The following PDE10A variants were observed in gnomAD, a reference collection of about 807,000 sequenced individuals.
The protein encoded by PDE10A is cAMP and cAMP-inhibited cGMP 3',5'-cyclic phosphodiesterase 10A.
In PDE10A, 39 loss-of-function variants were observed where a neutral mutation model predicts 97.7. That is an observed-to-expected ratio of 0.40 (90% CI 0.31 to 0.52). The LOEUF is 0.52. PDE10A is among the 20% of genes least tolerant of loss of function. PDE10A has a pLI of 0.56. For missense variants in PDE10A, 731 were observed against 1,047.8 expected (o/e 0.70, Z 4.17); for synonymous variants, 371 against 376.8 (o/e 0.98, Z 0.18).
At chr6:165,508,509 G>C (rs1241082120) in intron 2 of PDE10A, among the ~76,000 whole-genome samples, 1 of 151,818 alleles carries the variant, frequency 6.6e-6, no homozygotes, top group Admixed American at 6.6e-5. Context: ...TGAGTTTTTT[G>C]CAACAACACA....
chr6:165,566,090 G>A (rs566407980), intron 1 of PDE10A, among the ~76,000 whole-genome samples: 1 of 152,112 alleles, frequency 6.6e-6, no homozygotes, highest in Non-Finnish European at 1.5e-5. Context: ...TTGTACTTCA[G>A]TAAAATTAAG....
chr6:165,699,356 A>G (rs1791514526), intron 1 of PDE10A, among the ~76,000 whole-genome samples: 1 of 152,186 alleles, frequency 6.6e-6, no homozygotes, highest in African/African-American at 2.4e-5. Context: ...AAACCTAATG[A>G]ACATAAAAGG....
chr6:165,382,442 C>T (rs1008075993), intron 17 of PDE10A, among the ~76,000 whole-genome samples: 2 of 152,136 alleles, frequency 1.3e-5, no homozygotes, highest in African/African-American at 2.4e-5. Flanking sequence ...TTACCTAGTA[C>T]ATGAAACCAC....
At chr6:165,861,556 T>C (rs1387737961) in intron 1 of PDE10A, among the ~76,000 whole-genome samples, 4 of 151,524 alleles carry the variant, frequency 2.6e-5, no homozygotes, top group African/African-American at 9.7e-5. Context: ...GCTTTTCCTG[T>C]GTGAAGGGGA....
chr6:165,470,559 C>T (rs576374235), intron 3 of PDE10A, among the ~76,000 whole-genome samples: 9 of 152,304 alleles, frequency 5.9e-5, no homozygotes, highest in Non-Finnish European at 7.4e-5. Context: ...GCCAGATTTT[C>T]TACTCATTCA....
At chr6:165,386,731 G>A (rs188920806) in intron 17 of PDE10A, among the ~76,000 whole-genome samples, 5 of 152,066 alleles carry the variant, frequency 3.3e-5, no homozygotes, top group South Asian at 2.1e-4. Flanking sequence ...AGCCAGGCGC[G>A]GTGGCTCACG....
chr6:165,445,496 T>C (rs1790784804), intron 5 of PDE10A, among the ~76,000 whole-genome samples: 1 of 152,266 alleles, frequency 6.6e-6, no homozygotes, highest in South Asian at 2.1e-4. Flanking sequence ...GGCCTTTCTG[T>C]GAGGAAGTCT....
At chr6:165,827,139 TC>T (rs1779782803) in intron 1 of PDE10A, among the ~76,000 whole-genome samples, 1 of 152,146 alleles carries the variant, frequency 6.6e-6, no homozygotes, top group Non-Finnish European at 1.5e-5. Flanking sequence ...TCCGCCGTGG[TC>T]TAGACGCTTC....
intron 2 of PDE10A, among the ~76,000 whole-genome samples, chr6:165,540,052 G>A (rs1783336967): frequency 6.6e-6 from 1 of 152,140 alleles, no homozygotes; most frequent in Non-Finnish European, 1.5e-5. Flanking sequence ...GCGACCCTCA[G>A]GCTATTTCAC....
At chr6:165,423,783 G>A (rs1017592027) in intron 10 of PDE10A, among the ~76,000 whole-genome samples, 2 of 151,306 alleles carry the variant, frequency 1.3e-5, no homozygotes, top group Non-Finnish European at 2.9e-5. Context: ...GAGAATGGCA[G>A]AGGTAGCAGT....
At chr6:165,636,821 T>G (rs938471061) in intron 1 of PDE10A, among the ~76,000 whole-genome samples, 1 of 152,202 alleles carries the variant, frequency 6.6e-6, no homozygotes, top group Admixed American at 6.5e-5. Flanking sequence ...AGAAATGCTC[T>G]GCCTAGGTCC....
intron 1 of PDE10A, among the ~76,000 whole-genome samples, chr6:165,867,741 C>T (rs1781099455): frequency 6.6e-6 from 1 of 152,040 alleles, no homozygotes; most frequent in South Asian, 2.1e-4. Flanking sequence ...CTTATCAGCA[C>T]ATAGAACATT....
At chr6:165,876,663 C>T (rs879841507) in intron 1 of PDE10A, among the ~76,000 whole-genome samples, 2 of 152,132 alleles carry the variant, frequency 1.3e-5, no homozygotes, top group Non-Finnish European at 2.9e-5. Context: ...TATTGGGGAC[C>T]TTCAGTGGTT....
chr6:165,543,310 A>G (rs1204517038), intron 2 of PDE10A, 130 bp downstream of exon 2: 3 of 584,012 alleles, frequency 5.1e-6, no homozygotes, highest in East Asian at 6.7e-5. Context: ...TAAATGGAAT[A>G]ACTCTGATAG....
At chr6:165,811,447 T>G (rs1168698074) in intron 1 of PDE10A, among the ~76,000 whole-genome samples, 2 of 152,176 alleles carry the variant, frequency 1.3e-5, no homozygotes, top group Non-Finnish European at 2.9e-5. Flanking sequence ...CTCCCCACCC[T>G]TCTCCCTTTC....
chr6:165,681,164 G>A (rs958004209), intron 1 of PDE10A, among the ~76,000 whole-genome samples: 2 of 152,110 alleles, frequency 1.3e-5, no homozygotes, highest in Admixed American at 1.3e-4. Flanking sequence ...CGCTGCAAGG[G>A]GTAGTTCACC....
intron 1 of PDE10A, among the ~76,000 whole-genome samples, chr6:165,628,557 C>A (rs1434085321): frequency 6.6e-6 from 1 of 152,028 alleles, no homozygotes; most frequent in East Asian, 1.9e-4. Flanking sequence ...GAGATAGGGT[C>A]TCGATATCCA....
chr6:165,657,646 T>C (rs1351732685), intron 1 of PDE10A, among the ~76,000 whole-genome samples: 2 of 152,238 alleles, frequency 1.3e-5, no homozygotes, highest in Non-Finnish European at 2.9e-5. Flanking sequence ...AAGACTAATA[T>C]ACTGATTGGG....
chr6:165,963,979 AG>A (rs1784433196), intron 1 of PDE10A, among the ~76,000 whole-genome samples: 1 of 152,228 alleles, frequency 6.6e-6, no homozygotes, highest in Non-Finnish European at 1.5e-5. Flanking sequence ...GCAACATCAA[AG>A]CTCTTTGCTT....
Sources: gnomAD v4.1 joint callset for allele counts (sites outside exome capture counted in the v4.1 genomes callset) on GRCh38, gnomAD v4.1.1 for gene constraint, MANE v1.5 for transcripts, NCBI Gene and HGNC (gene_info 2026-07-23, HGNC 2026-07-21) for gene names.